Variants in SS18L1 observed in about 807,000 individuals in gnomAD.
The protein encoded by SS18L1 is SS18L1 subunit of BAF chromatin remodeling complex.
A neutral mutation model predicts 70.3 loss-of-function variants in SS18L1; 32 were observed. That is an observed-to-expected ratio of 0.46 (90% CI 0.34 to 0.61). The LOEUF (loss-of-function observed/expected upper bound fraction) is 0.61. Ranked by LOEUF, SS18L1 falls within the 20% of genes least tolerant of loss-of-function variation. The probability of loss-of-function intolerance (pLI) is 0.01; values close to 1 mark genes in which losing one functional copy is unlikely to be tolerated. For missense variants in SS18L1, 430 were observed against 542.1 expected, an observed-to-expected ratio of 0.79 and a Z score of 2.05; for synonymous variants, 237 against 229.7, an observed-to-expected ratio of 1.03 and a Z score of -0.29.
rs148489001 is a variant in SS18L1 at position 62,169,299 on chromosome 20, G to A, written c.917-3383G>A. Among the ~76,000 whole-genome samples the A allele has an allele frequency of 7.7e-3, 1,174 of 152,302 alleles. 6 individuals are homozygous for A. Among genetic ancestry groups the A allele is most frequent in the Non-Finnish European group, 0.012 (810 of 68,026 alleles). ...CCTTGCACACACGCACACTCACACCGTCAGCCAATGGACAAACACCAAAAC... is the reference window on the plus strand; with the variant it reads ...CCTTGCACACACGCACACTCACACCATCAGCCAATGGACAAACACCAAAAC... On this transcript the variant is annotated intron_variant, in intron 8 of 10. Transcript: ENST00000331758.
At chr20:62,152,397 C>G (rs921558964) in intron 1 of SS18L1, among the ~76,000 whole-genome samples, 5 of 152,202 alleles carry the variant, frequency 3.3e-5, no homozygotes, top group African/African-American at 1.2e-4. Context: ...GATGGAGTTG[C>G]CACCTCATCT....
intron 8 of SS18L1, among the ~76,000 whole-genome samples, chr20:62,166,604 A>G (rs1031190522): frequency 6.6e-6 from 1 of 151,836 alleles, no homozygotes; most frequent in African/African-American, 2.4e-5. Context: ...GGAAACAAAA[A>G]GTACATGAAT....
chr20:62,146,050 G>A (rs367570085), intron 1 of SS18L1, among the ~76,000 whole-genome samples: 4 of 148,762 alleles, frequency 2.7e-5, no homozygotes, highest in East Asian at 1.9e-4. Flanking sequence ...CATTCTGCGT[G>A]GTAGTGAAGG....
chr20:62,172,328 G>GA (rs59726721), intron 8 of SS18L1, among the ~76,000 whole-genome samples: 299 of 137,002 alleles, frequency 2.2e-3, no homozygotes, highest in Admixed American at 3.5e-3. Context: ...CCCTGTCTCT[G>GA]AAAAAAAAAA....
chr20:62,162,644 T>C (rs2057350224), intron 4 of SS18L1, 108 bp from the exon 5 acceptor site: 1 of 1,172,642 alleles, frequency 8.5e-7, no homozygotes, highest in Non-Finnish European at 1.2e-6. Flanking sequence ...GTGCTGTTGA[T>C]AGCAACTCTT....
At chr20:62,157,242 C>T (rs2057240560) in intron 1 of SS18L1, among the ~76,000 whole-genome samples, 1 of 152,196 alleles carries the variant, frequency 6.6e-6, no homozygotes, top group Admixed American at 6.5e-5. Context: ...CTACCAACCA[C>T]CAGACTCAGC....
chr20:62,152,806 A>G (rs892261120), intron 1 of SS18L1, among the ~76,000 whole-genome samples: 1 of 152,170 alleles, frequency 6.6e-6, no homozygotes, highest in Admixed American at 6.5e-5. Context: ...AGAGATTTTC[A>G]TAAACACAGA....
chr20:62,144,832 GT>G (rs932389459), intron 1 of SS18L1, among the ~76,000 whole-genome samples: 1 of 152,106 alleles, frequency 6.6e-6, no homozygotes, highest in African/African-American at 2.4e-5. Context: ...AATGACATTG[GT>G]TTTTTTTCCT....
chr20:62,148,099 C>A (rs1466378488), intron 1 of SS18L1, among the ~76,000 whole-genome samples: 1 of 152,092 alleles, frequency 6.6e-6, no homozygotes, highest in Non-Finnish European at 1.5e-5. Context: ...TCAGAGGCTC[C>A]CCCCACCCGA....
intron 1 of SS18L1, among the ~76,000 whole-genome samples, chr20:62,155,237 CCAA>C (rs927925467): frequency 5.9e-5 from 9 of 151,854 alleles, no homozygotes; most frequent in Admixed American, 5.9e-4. Flanking sequence ...CCTGTCTCTA[CCAA>C]CAACAACAAC....
chr20:62,167,042 GTTT>G (rs1216570693), intron 8 of SS18L1, among the ~76,000 whole-genome samples: 1 of 88,166 alleles, frequency 1.1e-5, no homozygotes. Context: ...GAGTTTGTTT[GTTT>G]TTTTTTTTTT....
intron 7 of SS18L1, 127 bp downstream of exon 7, chr20:62,164,373 G>A (rs370089830): frequency 1.4e-5 from 14 of 1,031,940 alleles, no homozygotes; most frequent in East Asian, 1.1e-4. Context: ...TCAGGCCTGG[G>A]CTACAGGCAG....
At position 62,181,119 on chromosome 20, in the gene SS18L1, T is replaced by A. The variant is rs1430798097; in HGVS notation, c.*1911T>A. On this transcript the variant is annotated 3_prime_UTR_variant, in exon 11 of 11. Transcript: ENST00000331758. ...TGAATACCAGTCCTGTTCTAGGACA[T>A]TCTCCCCTCTCCTAGGAGACGGATG... is the stretch of plus-strand genomic sequence containing the variant. 5.2e-6 allele frequency: 1 copy of A among 190,952 alleles called. No individual in the cohort carries two copies. The highest frequency in any genetic ancestry group is 1.1e-5 in the Non-Finnish European group (1 of 91,288). 11.8% of individuals were successfully genotyped at this position (190,952 alleles called of 1,614,324 possible).
chr20:62,144,507 G>A (rs918950255), intron 1 of SS18L1, among the ~76,000 whole-genome samples: 2 of 152,220 alleles, frequency 1.3e-5, no homozygotes, highest in Admixed American at 1.3e-4. Flanking sequence ...GCATCGTTAC[G>A]CAGCCCGGCC....
At chr20:62,160,698 G>A (rs1251575340) in intron 3 of SS18L1, among the ~76,000 whole-genome samples, 3 of 152,200 alleles carry the variant, frequency 2.0e-5, no homozygotes, top group Admixed American at 2.0e-4. Context: ...ATCTCCTAGT[G>A]ACCCTTAGTC....
rs1217533385 is a variant in SS18L1, at chr20:62,150,676, C to T, written c.69+6787C>T. Among the ~76,000 whole-genome samples the T allele has an allele frequency of 5.4e-5, 4 of 73,874 alleles. No individual in the cohort carries two copies. In the East Asian group the frequency reaches 1.5e-3, roughly 27 times the overall value. 48.5% of individuals were successfully genotyped at this position (73,874 alleles called of 152,430 possible). ...TTTTTTTTTTTTTTTTTTTTGGAGA[C>T]AGAGTCTTGCTCTTTCGCCCAGGCT... On this transcript the variant is annotated intron_variant, in intron 1 of 10. Coordinates refer to ENST00000331758, the MANE Select transcript of SS18L1 (RefSeq NM_198935.3).
rs931385630 is a variant in SS18L1 at position 62,161,115 on chromosome 20, C to T, written c.232-321C>T. On this transcript the variant is annotated intron_variant, in intron 3 of 10. Coordinates refer to ENST00000331758, the MANE Select transcript of SS18L1 (RefSeq NM_198935.3). This position sits in a 1 kb window ranked among gnomAD's most constrained non-coding sequence, Gnocchi z 4.4. Reference sequence around the variant, plus strand: ...ACCTGCGCCCGAGGGGGACGGGGTGCGTTCAGCCTGGTGGGCCGGGAAAGG... The same window carrying T: ...ACCTGCGCCCGAGGGGGACGGGGTGTGTTCAGCCTGGTGGGCCGGGAAAGG... 1.3e-5 allele frequency among the ~76,000 whole-genome samples: 2 copies of T among 151,424 alleles called. No individual in the cohort carries two copies. Among genetic ancestry groups the T allele is most frequent in the African/African-American group, 4.9e-5 (2 of 41,174 alleles).
In SS18L1 at chr20:62,174,184, G is replaced by C. The variant is rs1333580200; in HGVS notation, c.1037-333G>C. Among the ~76,000 whole-genome samples, 2 of 152,250 alleles carry C rather than the reference G, an allele frequency of 1.3e-5. No individual in the cohort carries two copies. The highest frequency in any genetic ancestry group is 1.9e-4 in the East Asian group (1 of 5,170). ...GTGTGACTGGGGCCAGCGGGTTCTGGAGGGCTGTCCTGCCTTCAGGTAGCA... is the reference window on the plus strand; with the variant it reads ...GTGTGACTGGGGCCAGCGGGTTCTGCAGGGCTGTCCTGCCTTCAGGTAGCA... On this transcript the variant is annotated intron_variant, in intron 9 of 10. Transcript: ENST00000331758. This position sits in a 1 kb window ranked among gnomAD's most constrained non-coding sequence, Gnocchi z 4.1.
chr20:62,164,296 A>G, intron 7 of SS18L1, 50 bp downstream of exon 7: 3 of 1,486,558 alleles, frequency 2.0e-6, no homozygotes, highest in Non-Finnish European at 2.7e-6. Context: ...GAGCAGCTGC[A>G]GGGGCAAGGA....
Sources: gnomAD v4.1 joint callset for allele counts (sites outside exome capture counted in the v4.1 genomes callset) on GRCh38, gnomAD v4.1.1 for gene constraint, Gnocchi (gnomAD v3.1) non-coding constraint, MANE v1.5 for transcripts, NCBI Gene and HGNC (gene_info 2026-07-23, HGNC 2026-07-21) for gene names.